ZMIZ1: variants seen among roughly 807,000 people sequenced by gnomAD.
The protein encoded by ZMIZ1 is zinc finger MIZ-type containing 1.
Under a neutral mutation model 113.9 loss-of-function variants are expected in ZMIZ1, and 17 were observed. That is an observed-to-expected ratio of 0.15 (90% CI 0.10 to 0.22). ZMIZ1 has a LOEUF of 0.22. Ranked by LOEUF, ZMIZ1 falls within the 10% of genes least tolerant of loss-of-function variation. The pLI is 1.00. For synonymous variants in ZMIZ1, 607 were observed against 603.1 expected (o/e 1.01, Z -0.09); for missense variants, 1,059 against 1,477.8 (o/e 0.72, Z 4.65).
intron 4 of ZMIZ1, among the ~76,000 whole-genome samples, chr10:79,197,192 AT>A (rs1847866920): frequency 6.6e-6 from 1 of 152,118 alleles, no homozygotes. Context: ...CCTTTGTGGG[AT>A]GGGTCTCCCT....
intron 2 of ZMIZ1, 44 bp from the exon 3 acceptor site, chr10:79,139,638 C>T (rs571764868): frequency 2.3e-4 from 92 of 398,248 alleles, no homozygotes; most frequent in African/African-American, 1.6e-3. Context: ...GACGGCACAC[C>T]GGCCTGCTCT....
chr10:79,072,167 A>G (rs1169331636), intron 1 of ZMIZ1, among the ~76,000 whole-genome samples: 1 of 152,140 alleles, frequency 6.6e-6, no homozygotes, highest in Non-Finnish European at 1.5e-5. Flanking sequence ...TCCTAAGCAA[A>G]GGGGGGAGGA....
chr10:79,293,717 C>G (rs944371730), intron 12 of ZMIZ1, 64 bp downstream of exon 12: 1 of 1,610,866 alleles, frequency 6.2e-7, no homozygotes, highest in Admixed American at 1.7e-5. Flanking sequence ...AGACATGGGC[C>G]GTGGGTACGG....
At chr10:79,121,382 G>C (rs1358764561) in intron 2 of ZMIZ1, among the ~76,000 whole-genome samples, 1 of 152,168 alleles carries the variant, frequency 6.6e-6, no homozygotes, top group African/African-American at 2.4e-5. Flanking sequence ...GTTAGAGGGG[G>C]TTCCCGAGGA....
At chr10:79,260,692 G>A (rs1851211365) in intron 7 of ZMIZ1, among the ~76,000 whole-genome samples, 2 of 152,318 alleles carry the variant, frequency 1.3e-5, no homozygotes, top group East Asian at 1.9e-4. Context: ...GAAATGGAAC[G>A]GTGAGGTGGA....
In ZMIZ1 at chr10:79,312,490, G is replaced by A. The variant is rs1218808485; in HGVS notation, c.3097-152G>A. On this transcript the variant is annotated intron_variant, in intron 24 of 24. Coordinates refer to ENST00000334512, the MANE Select transcript of ZMIZ1 (RefSeq NM_020338.4). The stretch of plus-strand genomic sequence containing the variant: ...GGGTATGTGTGGGGATACCTGGCAG[G>A]CCCAAGCCCAAGGCTGTTCTCTACC... The A allele has an allele frequency of 1.3e-5, 10 of 758,516 alleles. 1 individual carries two copies. The Admixed American group carries it at 2.1e-4, about 16-fold the overall frequency. 47.0% of individuals were successfully genotyped at this position (758,516 alleles called of 1,614,324 possible).
intron 1 of ZMIZ1, among the ~76,000 whole-genome samples, chr10:79,115,702 A>G (rs570155909): frequency 6.6e-6 from 1 of 152,346 alleles, no homozygotes; most frequent in South Asian, 2.1e-4. Flanking sequence ...TATTTAGGAC[A>G]GAGCTGGAGC....
intron 4 of ZMIZ1, among the ~76,000 whole-genome samples, chr10:79,177,729 G>A (rs763443042): frequency 1.3e-5 from 2 of 152,260 alleles, no homozygotes; most frequent in Admixed American, 6.5e-5. Context: ...CACACATTTA[G>A]TGGAAGTGAC....
At chr10:79,204,045 C>G (rs1848213283) in intron 5 of ZMIZ1, among the ~76,000 whole-genome samples, 2 of 152,248 alleles carry the variant, frequency 1.3e-5, no homozygotes, top group South Asian at 4.1e-4. Flanking sequence ...GTGCTGACAT[C>G]TGTCTGCTCC....
intron 3 of ZMIZ1, among the ~76,000 whole-genome samples, chr10:79,153,498 C>A (rs764430154): frequency 2.0e-5 from 3 of 152,248 alleles, no homozygotes; most frequent in African/African-American, 7.2e-5. Flanking sequence ...GGGACTAAAA[C>A]GTGATCGGCA....
intron 1 of ZMIZ1, among the ~76,000 whole-genome samples, chr10:79,096,677 A>G (rs1366776096): frequency 1.3e-5 from 2 of 152,178 alleles, no homozygotes; most frequent in Non-Finnish European, 2.9e-5. Context: ...CCTTCAGTCA[A>G]TGCCTGCTTT....
chr10:79,182,005 G>A (rs1168183898), intron 4 of ZMIZ1, among the ~76,000 whole-genome samples: 1 of 152,226 alleles, frequency 6.6e-6, no homozygotes, highest in Non-Finnish European at 1.5e-5. Context: ...GACTCACCCA[G>A]TGCCAAGCTG....
At chr10:79,157,368 G>GGTGTGTGTGTGT (rs10573955) in intron 3 of ZMIZ1, among the ~76,000 whole-genome samples, 1 of 147,604 alleles carries the variant, frequency 6.8e-6, no homozygotes, top group Non-Finnish European at 1.5e-5. Context: ...AGGCATAAGG[G>GGTGTGTGTGTGT]GTGTGTGTGT....
At chr10:79,272,302 A>T (rs966558755) in intron 7 of ZMIZ1, among the ~76,000 whole-genome samples, 3 of 152,180 alleles carry the variant, frequency 2.0e-5, no homozygotes, top group Non-Finnish European at 2.9e-5. Context: ...AAGAAAAAAA[A>T]TAGCACAATA....
intron 3 of ZMIZ1, among the ~76,000 whole-genome samples, chr10:79,152,859 C>G (rs982239674): frequency 6.6e-6 from 1 of 152,268 alleles, no homozygotes; most frequent in African/African-American, 2.4e-5. Flanking sequence ...GCTGCCTTCA[C>G]TGCCCATTCA....
chr10:79,103,083 A>C (rs1023715663), intron 1 of ZMIZ1, among the ~76,000 whole-genome samples: 7 of 152,066 alleles, frequency 4.6e-5, no homozygotes, highest in African/African-American at 1.7e-4. Context: ...GGGAGGCGGC[A>C]TGTATTTTAG....
At chr10:79,142,058 G>A (rs1429879176) in intron 3 of ZMIZ1, among the ~76,000 whole-genome samples, 4 of 152,188 alleles carry the variant, frequency 2.6e-5, no homozygotes, top group South Asian at 2.1e-4. Context: ...TTAAAAAGAC[G>A]GAGACAGTCA....
intron 8 of ZMIZ1, among the ~76,000 whole-genome samples, chr10:79,287,956 G>C (rs1853194929): frequency 6.6e-6 from 1 of 152,266 alleles, no homozygotes; most frequent in Non-Finnish European, 1.5e-5. Context: ...GTGCCAGGGT[G>C]AGGGGGCAGG....
At chr10:79,178,527 A>G (rs1399709433) in intron 4 of ZMIZ1, among the ~76,000 whole-genome samples, 1 of 152,190 alleles carries the variant, frequency 6.6e-6, no homozygotes, top group African/African-American at 2.4e-5. Context: ...AGGAGGTCCC[A>G]GGAGGAGCCA....
Sources: allele counts gnomAD v4.1 joint callset (sites outside exome capture counted in the v4.1 genomes callset), GRCh38; gene constraint gnomAD v4.1.1; transcripts MANE v1.5; gene names NCBI Gene and HGNC (gene_info 2026-07-23, HGNC 2026-07-21).